Variants in CALN1 observed in about 807,000 individuals in gnomAD.
The protein encoded by CALN1 is calneuron 1.
In CALN1, 17 loss-of-function variants were observed where a neutral mutation model predicts 30.6. That is an observed-to-expected ratio of 0.56 (90% CI 0.38 to 0.83). CALN1 has a LOEUF of 0.83. CALN1 is among the 40% of genes least tolerant of loss of function. CALN1 has a pLI of 0.00. For missense variants in CALN1, 291 were observed against 354.9 expected, an observed-to-expected ratio of 0.82 and a Z score of 1.45; for synonymous variants, 156 against 131.4, an observed-to-expected ratio of 1.19 and a Z score of -1.28.
At chr7:72,425,819 C>T (rs1807784088) in intron 1 of CALN1, among the ~76,000 whole-genome samples, 1 of 152,218 alleles carries the variant, frequency 6.6e-6, no homozygotes, top group African/African-American at 2.4e-5. Flanking sequence ...ATCCAGGCCT[C>T]TCTGCACACA....
intron 3 of CALN1, among the ~76,000 whole-genome samples, chr7:72,258,643 G>T (rs1234300828): frequency 6.6e-6 from 1 of 152,210 alleles, no homozygotes; most frequent in African/African-American, 2.4e-5. Flanking sequence ...GAAGAAGCCA[G>T]GGGTGGTGGC....
intron 5 of CALN1, among the ~76,000 whole-genome samples, chr7:72,014,156 A>G (rs844709): frequency 0.3 from 43,405 of 147,088 alleles, 10,010 homozygotes; most frequent in African/African-American, 0.65. Context: ...GCTTGGTCTC[A>G]GCTCACTGCA....
intron 4 of CALN1, among the ~76,000 whole-genome samples, chr7:72,103,817 C>T (rs574831393): frequency 5.9e-5 from 9 of 152,016 alleles, no homozygotes; most frequent in South Asian, 4.2e-4. Context: ...ACAATGGGAA[C>T]GTCCAGACAG....
intron 2 of CALN1, among the ~76,000 whole-genome samples, chr7:72,310,109 G>A (rs1275651972): frequency 1.3e-5 from 2 of 151,930 alleles, no homozygotes; most frequent in Non-Finnish European, 2.9e-5. Context: ...TCAGGAAGGA[G>A]GAGTTCTGCA....
chr7:72,372,723 T>C lies in CALN1; in HGVS notation c.119+30528A>G, dbSNP rs984853396. Among the ~76,000 whole-genome samples, 16 of 152,250 alleles carry C rather than the reference T, an allele frequency of 1.1e-4. No homozygotes were observed. The East Asian group carries it at 2.7e-3, about 26-fold the overall frequency. Reference sequence around the variant, plus strand: ...AATTGGAACCATAACCAACATAAAATTGGTCAGAACTTGAGGCCTGGATCC... The same window carrying C: ...AATTGGAACCATAACCAACATAAAACTGGTCAGAACTTGAGGCCTGGATCC... On this transcript the variant is annotated intron_variant, in intron 2 of 6. Coordinates refer to ENST00000395275, the MANE Select transcript of CALN1 (RefSeq NM_031468.4).
chr7:72,193,550 T>C (rs1335593718), intron 3 of CALN1, among the ~76,000 whole-genome samples: 2 of 152,166 alleles, frequency 1.3e-5, no homozygotes, highest in Non-Finnish European at 2.9e-5. Context: ...CATAGTCTAC[T>C]TACAGAAACC....
At chr7:71,878,928 C>A (rs1050744602) in intron 5 of CALN1, among the ~76,000 whole-genome samples, 10 of 152,292 alleles carry the variant, frequency 6.6e-5, no homozygotes, top group Admixed American at 1.3e-4. Flanking sequence ...CAAGTCCCTT[C>A]CCACAACCTG....
At chr7:71,807,072 G>A (rs551655338) in intron 6 of CALN1, among the ~76,000 whole-genome samples, 37 of 152,346 alleles carry the variant, frequency 2.4e-4, no homozygotes, top group African/African-American at 8.7e-4. Flanking sequence ...AGGATAGGGA[G>A]GAGTTGACAG....
intron 3 of CALN1, among the ~76,000 whole-genome samples, chr7:72,196,719 C>A (rs904872573): frequency 6.6e-6 from 1 of 152,208 alleles, no homozygotes; most frequent in African/African-American, 2.4e-5. Flanking sequence ...TACGTGTTCA[C>A]ATATATTAAG....
chr7:72,500,694 A>G, the CALN1 span, among the ~76,000 whole-genome samples: 1 of 152,116 alleles, frequency 6.6e-6, no homozygotes, highest in African/African-American at 2.4e-5. Flanking sequence ...AAATCTAAAA[A>G]AAAAACTAAA....
chr7:71,997,372 T>A (rs930106003), intron 5 of CALN1, among the ~76,000 whole-genome samples: 2 of 152,060 alleles, frequency 1.3e-5, no homozygotes, highest in Non-Finnish European at 2.9e-5. Context: ...GACAGATCAA[T>A]AAAATTCACT....
chr7:72,131,447 C>T (rs964028344), intron 3 of CALN1, among the ~76,000 whole-genome samples: 12 of 152,244 alleles, frequency 7.9e-5, no homozygotes, highest in African/African-American at 2.4e-4. Flanking sequence ...ATTTATTTAT[C>T]GCTGCTCTTC....
At chr7:71,849,479 C>T (rs750022982) in intron 5 of CALN1, among the ~76,000 whole-genome samples, 11 of 145,032 alleles carry the variant, frequency 7.6e-5, no homozygotes, top group Non-Finnish European at 1.5e-4. Flanking sequence ...ATCAATTTAG[C>T]GATTCCATGA....
chr7:71,894,238 T>C (rs1024135067), intron 5 of CALN1, among the ~76,000 whole-genome samples: 5 of 152,188 alleles, frequency 3.3e-5, no homozygotes, highest in Non-Finnish European at 7.3e-5. Context: ...ATTTAAATAC[T>C]ATAACTTTAT....
intron 3 of CALN1, among the ~76,000 whole-genome samples, chr7:72,138,303 G>A (rs1003340593): frequency 8.0e-5 from 12 of 150,668 alleles, no homozygotes; most frequent in Admixed American, 2.0e-4. Context: ...TTTTTTAAAC[G>A]TCTCCAGGTG....
chr7:72,485,227 C>T, the CALN1 span, among the ~76,000 whole-genome samples: 1 of 152,148 alleles, frequency 6.6e-6, no homozygotes, highest in East Asian at 1.9e-4. Context: ...TGTACCCCAG[C>T]CTGGGCAACA....
chr7:72,340,637 T>A (rs1043616108), intron 2 of CALN1, among the ~76,000 whole-genome samples: 12 of 152,324 alleles, frequency 7.9e-5, no homozygotes, highest in Admixed American at 5.9e-4. Context: ...AGTGACATGC[T>A]TGAGCCACTG....
intron 6 of CALN1, among the ~76,000 whole-genome samples, chr7:71,804,596 A>G (rs1787496751): frequency 6.6e-6 from 1 of 152,140 alleles, no homozygotes; most frequent in South Asian, 2.1e-4. Context: ...GGGTGGGAGG[A>G]TCACTTGATG....
chr7:72,330,611 C>T (rs1286677918), intron 2 of CALN1, among the ~76,000 whole-genome samples: 2 of 152,126 alleles, frequency 1.3e-5, no homozygotes. Context: ...AGGGTACCAT[C>T]TCTGTCTGAC....
Sources: allele counts gnomAD v4.1 joint callset (sites outside exome capture counted in the v4.1 genomes callset), GRCh38; gene constraint gnomAD v4.1.1; transcripts MANE v1.5; gene names NCBI Gene and HGNC (gene_info 2026-07-23, HGNC 2026-07-21).